SLCO3A1: variants seen among roughly 807,000 people sequenced by gnomAD.
SLCO3A1 encodes solute carrier organic anion transporter family member 3A1.
SLCO3A1 carries 27 observed loss-of-function variants against 63.1 expected under a neutral mutation model. That is an observed-to-expected ratio of 0.43 (90% CI 0.32 to 0.59). The LOEUF is 0.59. SLCO3A1 is among the 20% of genes least tolerant of loss of function. The pLI is 0.09. For synonymous variants in SLCO3A1, 473 were observed against 409.9 expected (o/e 1.15, Z -1.86); for missense variants, 773 against 945.8 (o/e 0.82, Z 2.40).
intron 2 of SLCO3A1, among the ~76,000 whole-genome samples, chr15:92,091,742 C>T (rs1464819654): frequency 2.0e-5 from 3 of 152,232 alleles, no homozygotes; most frequent in Non-Finnish European, 2.9e-5. Flanking sequence ...CCAGAGGTTG[C>T]ACCTGAGGAG....
At chr15:92,135,340 C>T (rs76451767) in intron 7 of SLCO3A1, among the ~76,000 whole-genome samples, 3,896 of 152,272 alleles carry the variant, frequency 0.026, 76 homozygotes, top group Middle Eastern at 0.041. Flanking sequence ...TAAGATCTAA[C>T]AGGACGTGCT....
Position 91,988,439 on chromosome 15 carries a change from T to TAAAGAAA in SLCO3A1, c.646+71981_646+71982insAAAGAAA, listed in dbSNP as rs2046082846. On this transcript the variant is annotated intron_variant, in intron 2 of 9. Transcript: ENST00000318445. ...ATTTAAAAATAAAACTAATTTTATT[T>TAAAGAAA]TTAAATGTTATTTTATTTTATTTAA... Among the ~76,000 whole-genome samples the TAAAGAAA allele has an allele frequency of 2.0e-5, 3 of 152,300 alleles. No homozygotes were observed. The South Asian group carries it at 6.2e-4, about 32-fold the overall frequency.
chr15:91,917,721 G>A (rs1054581083), intron 2 of SLCO3A1, among the ~76,000 whole-genome samples: 7 of 152,194 alleles, frequency 4.6e-5, no homozygotes, highest in African/African-American at 1.7e-4. Flanking sequence ...GAGTGGTTAT[G>A]GTGGAGGAAG....
intron 2 of SLCO3A1, among the ~76,000 whole-genome samples, chr15:92,038,791 G>A (rs1195697700): frequency 6.6e-6 from 1 of 152,066 alleles, no homozygotes; most frequent in African/African-American, 2.4e-5. Flanking sequence ...AAACCATATA[G>A]CCAAGACCAT....
rs574136741 is a variant in SLCO3A1 at position 92,075,089 on chromosome 15, C to A, written c.647-19792C>A. On this transcript the variant is annotated intron_variant, in intron 2 of 9. Transcript: ENST00000318445. ...CCACCTGAATACCCTTGGTGGTGAGCAGCTCACTACCCCTCTGAAGACAGC... is the reference window on the plus strand; with the variant it reads ...CCACCTGAATACCCTTGGTGGTGAGAAGCTCACTACCCCTCTGAAGACAGC... 7.6e-4 allele frequency among the ~76,000 whole-genome samples: 115 copies of A among 152,286 alleles called. 1 individual carries two copies. Among genetic ancestry groups the A allele is most frequent in the African/African-American group, 2.5e-3 (104 of 41,564 alleles).
chr15:92,162,536 A>G (rs756019672), intron 9 of SLCO3A1: 9 of 636,242 alleles, frequency 1.4e-5, no homozygotes, highest in Admixed American at 3.5e-5. Context: ...AGATGAGGAA[A>G]CTAAGGCAGG....
At chr15:92,076,979 T>C (rs1035626951) in intron 2 of SLCO3A1, among the ~76,000 whole-genome samples, 3 of 152,186 alleles carry the variant, frequency 2.0e-5, no homozygotes, top group Non-Finnish European at 2.9e-5. Flanking sequence ...CAGTTCAGGA[T>C]GGCTGGGAAA....
chr15:92,095,082 G>C, intron 3 of SLCO3A1, 103 bp downstream of exon 3: 1 of 754,440 alleles, frequency 1.3e-6, no homozygotes, highest in Non-Finnish European at 2.3e-6. Context: ...CTAAGAGACA[G>C]TCTTGATGCC....
At chr15:92,038,218 C>T (rs1293991609) in intron 2 of SLCO3A1, among the ~76,000 whole-genome samples, 1 of 152,148 alleles carries the variant, frequency 6.6e-6, no homozygotes, top group Non-Finnish European at 1.5e-5. Context: ...TCTGAACAAC[C>T]TTGCTGGTTG....
intron 2 of SLCO3A1, among the ~76,000 whole-genome samples, chr15:92,059,304 G>C (rs950021202): frequency 3.9e-5 from 6 of 152,212 alleles, no homozygotes; most frequent in Admixed American, 3.3e-4. Context: ...GTGCCCTGTG[G>C]CTGGGCTGGT....
intron 2 of SLCO3A1, among the ~76,000 whole-genome samples, chr15:92,053,335 T>C (rs1376857367): frequency 2.0e-5 from 3 of 152,306 alleles, no homozygotes; most frequent in Middle Eastern, 3.4e-3. Context: ...GTTCTGAGGA[T>C]AGCACAGAGA....
chr15:91,886,153 TC>T lies in SLCO3A1; in HGVS notation c.181-29837del, dbSNP rs1293168633. On this transcript the variant is annotated intron_variant, in intron 1 of 9. Transcript: ENST00000318445. The surrounding 1 kb of genome is among the most constrained non-coding windows in gnomAD (Gnocchi z 4.9). ...CCTCTGCATTTTTGCCTTTGATTGTTCCCTTTCTTGAGTGTGTCCTGCGCTT... is the reference window on the plus strand; with the variant it reads ...CCTCTGCATTTTTGCCTTTGATTGTTCCTTTCTTGAGTGTGTCCTGCGCTT... Among the ~76,000 whole-genome samples the T allele has an allele frequency of 1.3e-5, 2 of 152,174 alleles. No individual in the cohort carries two copies. Among genetic ancestry groups the T allele is most frequent in the Non-Finnish European group, 2.9e-5 (2 of 68,034 alleles).
intron 9 of SLCO3A1, among the ~76,000 whole-genome samples, chr15:92,158,271 G>A (rs570398199): frequency 1.5e-4 from 23 of 152,236 alleles, no homozygotes; most frequent in Non-Finnish European, 2.5e-4. Context: ...AGCCAGTTAC[G>A]CCAGGAGCTT....
chr15:92,021,702 A>T (rs559432181), intron 2 of SLCO3A1, among the ~76,000 whole-genome samples: 20 of 152,336 alleles, frequency 1.3e-4, no homozygotes, highest in African/African-American at 4.3e-4. Context: ...AAAAATGAAT[A>T]AGACACAGCC....
At chr15:92,085,690 T>C (rs1459050906) in intron 2 of SLCO3A1, among the ~76,000 whole-genome samples, 1 of 152,236 alleles carries the variant, frequency 6.6e-6, no homozygotes, top group Non-Finnish European at 1.5e-5. Flanking sequence ...TTACACGTTG[T>C]TGTGAAATAA....
chr15:92,168,323 C>A (rs964041850), downstream of SLCO3A1, among the ~76,000 whole-genome samples: 1 of 152,168 alleles, frequency 6.6e-6, no homozygotes, highest in Admixed American at 6.5e-5. Context: ...GAATTGCCCC[C>A]AGAGAGAGCG....
rs1434777976 is a variant in SLCO3A1, at chr15:91,916,358, G to A, written c.546G>A (p.Gly182=). ...ACATGATGTACTTGCTGCTCATTGGGGCCCAGGTGCTCCTGGGCATCGGTG... is the reference window on the plus strand; with the variant it reads ...ACATGATGTACTTGCTGCTCATTGGAGCCCAGGTGCTCCTGGGCATCGGTG... ...ATNMMYLLLI[G]AQVLLGIGAT... The change falls in exon 2 of 10, where the codon GGG becomes GGA. Residue 182 remains glycine, a synonymous_variant. Transcript: ENST00000318445. The surrounding 1 kb of genome is among the most constrained non-coding windows in gnomAD (Gnocchi z 6.2). 2 of 1,611,536 alleles carry A rather than the reference G, an allele frequency of 1.2e-6. No homozygotes were observed. The highest frequency in any genetic ancestry group is 2.2e-5 in the South Asian group (2 of 90,478).
chr15:92,094,760 T>C, intron 2 of SLCO3A1, 121 bp from the exon 3 acceptor site: 1 of 645,320 alleles, frequency 1.5e-6, no homozygotes, highest in South Asian at 2.0e-5. Flanking sequence ...CTAGGATTTT[T>C]AGATGAATTC....
chr15:92,031,421 C>T (rs1051634680), intron 2 of SLCO3A1, among the ~76,000 whole-genome samples: 4 of 152,192 alleles, frequency 2.6e-5, no homozygotes, highest in Non-Finnish European at 5.9e-5. Context: ...GTAAAGACTT[C>T]CTAAAAGCCC....
Sources: allele counts gnomAD v4.1 joint callset (sites outside exome capture counted in the v4.1 genomes callset), GRCh38; gene constraint gnomAD v4.1.1; non-coding constraint Gnocchi (gnomAD v3.1); transcripts MANE v1.5; gene names NCBI Gene and HGNC (gene_info 2026-07-23, HGNC 2026-07-21).